Variants in DMRT1 observed in about 807,000 individuals in gnomAD.
The protein encoded by DMRT1 is doublesex- and mab-3-related transcription factor 1.
In DMRT1, 7 loss-of-function variants were observed where a neutral mutation model predicts 32.3. That is an observed-to-expected ratio of 0.22 (90% CI 0.12 to 0.41). The LOEUF (loss-of-function observed/expected upper bound fraction) is 0.41, where lower values mean the gene tolerates loss of function less well. Ranked by LOEUF, DMRT1 falls within the 10% of genes least tolerant of loss-of-function variation. The probability of loss-of-function intolerance (pLI) is 1.00; values close to 1 mark genes in which losing one functional copy is unlikely to be tolerated. For missense variants in DMRT1, 625 were observed against 500.5 expected (o/e 1.25, Z -2.37); for synonymous variants, 278 against 206.1 (o/e 1.35, Z -2.99).
intron 3 of DMRT1, among the ~76,000 whole-genome samples, chr9:902,370 C>T (rs1360569707): frequency 6.6e-6 from 1 of 151,752 alleles, no homozygotes; most frequent in Non-Finnish European, 1.5e-5. Flanking sequence ...CTGCAGTACT[C>T]AGTGTGTCCT....
intron 4 of DMRT1, among the ~76,000 whole-genome samples, chr9:950,760 G>A (rs990773181): frequency 2.6e-5 from 4 of 152,112 alleles, no homozygotes; most frequent in Non-Finnish European, 5.9e-5. Context: ...ACTCATTAAA[G>A]AAAGCATCTC....
At chr9:927,357 TA>T (rs1291308145) in intron 4 of DMRT1, among the ~76,000 whole-genome samples, 2 of 152,240 alleles carry the variant, frequency 1.3e-5, no homozygotes, top group Non-Finnish European at 1.5e-5. Flanking sequence ...GTGTTCTTCA[TA>T]AAAACCAGCT....
intron 3 of DMRT1, among the ~76,000 whole-genome samples, chr9:913,714 G>T (rs1818069008): frequency 6.6e-6 from 1 of 151,808 alleles, no homozygotes; most frequent in Non-Finnish European, 1.5e-5. Flanking sequence ...AGGCAACATG[G>T]AGAAAACGTC....
chr9:930,783 G>GCTTGAGGCCCT (rs1554758503), intron 4 of DMRT1, among the ~76,000 whole-genome samples: 1 of 151,654 alleles, frequency 6.6e-6, no homozygotes, highest in Non-Finnish European at 1.5e-5. Context: ...GCCTCAAGCG[G>GCTTGAGGCCCT]CCTGTTTCAG....
intron 2 of DMRT1, among the ~76,000 whole-genome samples, chr9:883,674 C>G (rs1816819162): frequency 6.6e-6 from 1 of 151,204 alleles, no homozygotes; most frequent in African/African-American, 2.4e-5. Flanking sequence ...CCCCTGTAGT[C>G]CCAGATACTT....
intron 3 of DMRT1, among the ~76,000 whole-genome samples, chr9:915,772 G>A (rs920730179): frequency 6.7e-6 from 1 of 149,816 alleles, no homozygotes; most frequent in Non-Finnish European, 1.5e-5. Flanking sequence ...TCGCTCTGTC[G>A]CCCAGGCTGG....
chr9:967,961 T>C (rs746861313), intron 4 of DMRT1, 24 bp from the exon 5 acceptor site: 1 of 1,612,094 alleles, frequency 6.2e-7, no homozygotes, highest in Non-Finnish European at 8.5e-7. Context: ...CCTTTCTCTC[T>C]TTCTCTCTCA....
At chr9:885,719 G>A (rs73374722) in intron 2 of DMRT1, among the ~76,000 whole-genome samples, 5,488 of 152,266 alleles carry the variant, frequency 0.036, 140 homozygotes, top group African/African-American at 0.067. Flanking sequence ...TGGGAAGGCA[G>A]AAGTGCCTGT....
rs868499122 is a variant in DMRT1 at position 961,365 on chromosome 9, A to G, written c.968-6620A>G. 1.3e-4 allele frequency among the ~76,000 whole-genome samples: 20 copies of G among 152,290 alleles called. 1 individual carries two copies. In the South Asian group the frequency reaches 3.7e-3, roughly 28 times the overall value. Reference sequence around the variant, plus strand: ...CCCGTACTTATTTGGAGACATTGACACCTGTGCCATGTACTTCCCAGAGTT... The same window carrying G: ...CCCGTACTTATTTGGAGACATTGACGCCTGTGCCATGTACTTCCCAGAGTT... On this transcript the variant is annotated intron_variant, in intron 4 of 4. Coordinates refer to ENST00000382276, the MANE Select transcript of DMRT1 (RefSeq NM_021951.3).
chr9:950,619 A>T lies in DMRT1; in HGVS notation c.968-17366A>T, dbSNP rs150327906. Among the ~76,000 whole-genome samples, 926 of 152,290 alleles carry T rather than the reference A, an allele frequency of 6.1e-3. 9 individuals carry two copies. Among genetic ancestry groups the T allele is most frequent in the African/African-American group, 0.021 (863 of 41,558 alleles). On this transcript the variant is annotated intron_variant, in intron 4 of 4. Transcript: ENST00000382276. ...AATTATTATTAATAATTATGCTAATAAATAATGTGGACTGAACTTCATTTC... is the reference window on the plus strand; with the variant it reads ...AATTATTATTAATAATTATGCTAATTAATAATGTGGACTGAACTTCATTTC...
At chr9:867,690 C>T (rs540503042) in intron 2 of DMRT1, among the ~76,000 whole-genome samples, 2 of 152,290 alleles carry the variant, frequency 1.3e-5, no homozygotes, top group African/African-American at 2.4e-5. Flanking sequence ...TGCTCATGCC[C>T]TACATCGGGC....
chr9:845,516 A>G (rs7040024), intron 1 of DMRT1, among the ~76,000 whole-genome samples: 4 of 151,860 alleles, frequency 2.6e-5, no homozygotes, highest in East Asian at 3.9e-4. Context: ...CCTTTTTTCA[A>G]TCTTTAACGG....
chr9:862,523 G>C (rs1263168249), intron 2 of DMRT1, among the ~76,000 whole-genome samples: 1 of 151,260 alleles, frequency 6.6e-6, no homozygotes, highest in South Asian at 2.1e-4. Context: ...GGGAGGGGGA[G>C]GGGGAGGGGG....
intron 4 of DMRT1, among the ~76,000 whole-genome samples, chr9:930,445 T>C (rs1016721096): frequency 6.6e-6 from 1 of 151,900 alleles, no homozygotes; most frequent in African/African-American, 2.4e-5. Flanking sequence ...GGAGTTTCGC[T>C]CTGTCGCCCA....
intron 4 of DMRT1, among the ~76,000 whole-genome samples, chr9:948,906 T>TAA (rs2129944908): frequency 2.9e-5 from 1 of 34,900 alleles, no homozygotes; most frequent in Admixed American, 2.6e-4. Flanking sequence ...AAATACAAAA[T>TAA]AATAATAATA....
At chr9:895,255 CGTTT>C (rs1283842940) in intron 3 of DMRT1, among the ~76,000 whole-genome samples, 5 of 152,072 alleles carry the variant, frequency 3.3e-5, no homozygotes, top group African/African-American at 1.2e-4. Context: ...TCATCATGCC[CGTTT>C]GTTAGCAGCA....
intron 4 of DMRT1, among the ~76,000 whole-genome samples, chr9:929,575 A>G (rs1040861483): frequency 6.6e-6 from 1 of 152,114 alleles, no homozygotes; most frequent in South Asian, 2.1e-4. Flanking sequence ...AGGTCCAGAA[A>G]GGTCAAAAGA....
At chr9:872,864 G>T (rs76204423) in intron 2 of DMRT1, among the ~76,000 whole-genome samples, 1 of 152,114 alleles carries the variant, frequency 6.6e-6, no homozygotes, top group Non-Finnish European at 1.5e-5. Context: ...TTCAAAAGCG[G>T]GTGCACCGTT....
intron 2 of DMRT1, among the ~76,000 whole-genome samples, chr9:858,865 AAAAAAATATAT>A (rs1208354809): frequency 6.3e-4 from 39 of 61,584 alleles, no homozygotes; most frequent in Middle Eastern, 7.7e-3. Context: ...AAAAAAAAAA[AAAAAAATATAT>A]ATATATATAT....
Sources: gnomAD v4.1 joint callset for allele counts (sites outside exome capture counted in the v4.1 genomes callset) on GRCh38, gnomAD v4.1.1 for gene constraint, MANE v1.5 for transcripts, NCBI Gene and HGNC (gene_info 2026-07-23, HGNC 2026-07-21) for gene names.